The following TRPM1 variants were observed in gnomAD, a reference collection of about 807,000 sequenced individuals.
TRPM1 encodes TRPM1-203 APA Isoform, Intron 10.
A neutral mutation model predicts 149.4 loss-of-function variants in TRPM1; 113 were observed. The observed-to-expected ratio is 0.76, with a 90% CI of 0.65 to 0.88. The LOEUF (loss-of-function observed/expected upper bound fraction) is 0.88. TRPM1 is among the 40% of genes least tolerant of loss of function. TRPM1 has a pLI of 0.00. For synonymous variants in TRPM1, 741 were observed against 759.5 expected, an observed-to-expected ratio of 0.98 and a Z score of 0.40; for missense variants, 1,976 against 2,038.7, an observed-to-expected ratio of 0.97 and a Z score of 0.59.
At chr15:31,104,750 C>T (rs576132862), upstream of TRPM1, among the ~76,000 whole-genome samples, 23 of 151,946 alleles carry the variant, frequency 1.5e-4, no homozygotes, top group South Asian at 3.5e-3. Context: ...CCTGCCACCA[C>T]GCCCGGCCAA....
At chr15:31,140,327 C>T (rs1046075682) in intron 1 of TRPM1, among the ~76,000 whole-genome samples, 3 of 151,534 alleles carry the variant, frequency 2.0e-5, no homozygotes, top group African/African-American at 2.4e-5. Flanking sequence ...TGCAGTGAGC[C>T]GAGATCGTGC....
At chr15:31,070,433 T>C in intron 3 of TRPM1, 1 of 706,816 alleles carries the variant, frequency 1.4e-6, no homozygotes, top group Non-Finnish European at 2.6e-6. Flanking sequence ...TGCCAGTCGA[T>C]TTTAGACACA....
rs368802404 is a variant in TRPM1 at position 31,020,652 on chromosome 15, G to A, written c.3629+5487C>T. Among the ~76,000 whole-genome samples the A allele has an allele frequency of 9.2e-5, 14 of 152,364 alleles. No homozygotes were observed. The East Asian group carries it at 1.2e-3, about 13-fold the overall frequency. ...TGGCTTTAAGTCAGTGATGTTGATT[G>A]TTGGAGAGGTACACTTTGCCCATGC... is the stretch of plus-strand genomic sequence containing the variant. On this transcript the variant is annotated intron_variant, in intron 27 of 27. Coordinates refer to ENST00000256552, the MANE Select transcript of TRPM1 (RefSeq NM_001252024.2).
chr15:31,152,434 G>A (rs2036316424), intron 1 of TRPM1, among the ~76,000 whole-genome samples: 1 of 152,186 alleles, frequency 6.6e-6, no homozygotes, highest in Non-Finnish European at 1.5e-5. Flanking sequence ...CTTGGACAAA[G>A]TGGACCCCTG....
chr15:31,051,013 T>C (rs1226733101), intron 11 of TRPM1, among the ~76,000 whole-genome samples: 3 of 152,160 alleles, frequency 2.0e-5, no homozygotes, highest in African/African-American at 7.2e-5. Context: ...AAAAAGTGAT[T>C]GTGAAGGGGG....
At chr15:31,132,211 G>A (rs984482057) in intron 1 of TRPM1, among the ~76,000 whole-genome samples, 2 of 152,144 alleles carry the variant, frequency 1.3e-5, no homozygotes, top group East Asian at 3.9e-4. Context: ...TGCCTCCCCT[G>A]GCCCCTCTGT....
chr15:31,054,989 T>G (rs773025463), intron 11 of TRPM1, among the ~76,000 whole-genome samples: 1 of 152,232 alleles, frequency 6.6e-6, no homozygotes, highest in Non-Finnish European at 1.5e-5. Flanking sequence ...CTTTTATTTT[T>G]TGCATTCAAT....
chr15:31,049,265 C>A (rs2033868578), intron 13 of TRPM1, 110 bp downstream of exon 13: 1 of 1,523,160 alleles, frequency 6.6e-7, no homozygotes, highest in Non-Finnish European at 9.0e-7. Flanking sequence ...TAAGTACGGA[C>A]CTCCCAGCTG....
chr15:31,049,325 A>G (rs767044590), intron 13 of TRPM1, 50 bp downstream of exon 13: 10 of 1,613,632 alleles, frequency 6.2e-6, no homozygotes, highest in Non-Finnish European at 8.5e-6. Context: ...AGTGACAAAC[A>G]CATTTAGGTG....
rs772558098 is a variant in TRPM1 at position 31,042,229 on chromosome 15, T to C, written c.1809A>G (p.Pro603=). The change falls in exon 17 of 28, where the codon CCA becomes CCG. Residue 603 remains proline (P), a synonymous_variant. Transcript: ENST00000256552. ...TCTTTTTCTTTTTCTTCCCTTTAGC[T>C]GGAGGCTCATCATCCTGAGGGGAGA... ...KLLGMEDDEP[P]AKGKKKKKKK... The C allele has an allele frequency of 6.3e-7, 1 of 1,581,024 alleles. No individual in the cohort carries two copies. Among genetic ancestry groups the C allele is most frequent in the East Asian group, 2.3e-5 (1 of 42,810 alleles).
intron 1 of TRPM1, among the ~76,000 whole-genome samples, chr15:31,118,719 A>T (rs2035835974): frequency 6.6e-6 from 1 of 152,140 alleles, no homozygotes. Flanking sequence ...GAGAAGACTG[A>T]TTGCCAGCTT....
intron 27 of TRPM1, among the ~76,000 whole-genome samples, chr15:31,025,140 A>G (rs1410313365): frequency 6.6e-6 from 1 of 152,152 alleles, no homozygotes; most frequent in Non-Finnish European, 1.5e-5. Context: ...TATGGCTCTC[A>G]ATGTGTCTGT....
chr15:31,038,748 A>T (rs938769434), intron 18 of TRPM1, among the ~76,000 whole-genome samples: 1 of 152,086 alleles, frequency 6.6e-6, no homozygotes, highest in African/African-American at 2.4e-5. Context: ...AAAAGTCCTT[A>T]CATGAAATTT....
chr15:31,062,748 T>C (rs2034267944), intron 8 of TRPM1, 46 bp from the exon 9 acceptor site: 2 of 1,599,332 alleles, frequency 1.3e-6, no homozygotes, highest in East Asian at 2.2e-5. Flanking sequence ...AAGTTAAATC[T>C]ATATATGAAT....
At chr15:31,086,854 T>G (rs1386013732) in intron 1 of TRPM1, among the ~76,000 whole-genome samples, 2 of 152,172 alleles carry the variant, frequency 1.3e-5, no homozygotes, top group Non-Finnish European at 2.9e-5. Flanking sequence ...TAAAATATAT[T>G]AATATTTACA....
intron 1 of TRPM1, among the ~76,000 whole-genome samples, chr15:31,145,207 C>T (rs542112207): frequency 4.6e-5 from 7 of 152,140 alleles, no homozygotes; most frequent in Non-Finnish European, 7.3e-5. Context: ...GATGTGTGAG[C>T]CACACAGAGT....
intron 11 of TRPM1, among the ~76,000 whole-genome samples, chr15:31,054,575 G>T (rs1195702534): frequency 6.6e-6 from 1 of 152,164 alleles, no homozygotes; most frequent in Non-Finnish European, 1.5e-5. Flanking sequence ...AATTACAGGA[G>T]TGAGCCACTG....
At position 31,095,047 on chromosome 15, in the gene TRPM1, C is replaced by T. The variant is rs555920126; in HGVS notation, c.-84+6610G>A. ...AATATTATTTAGCCACATAAATGAA[C>T]GAAGTTCTGAAGCATGCCACATGGG... On this transcript the variant is annotated intron_variant, in intron 1 of 27. Transcript: ENST00000256552. 1.2e-4 allele frequency among the ~76,000 whole-genome samples: 18 copies of T among 152,320 alleles called. 1 individual carries two copies. The highest frequency in any genetic ancestry group is 3.6e-4 in the African/African-American group (15 of 41,582).
intron 1 of TRPM1, among the ~76,000 whole-genome samples, chr15:31,113,823 G>T (rs950439323): frequency 6.6e-6 from 1 of 152,152 alleles, no homozygotes; most frequent in African/African-American, 2.4e-5. Flanking sequence ...AAGATTTATT[G>T]TGAAGATGTG....
Sources: gnomAD v4.1 joint callset for allele counts (sites outside exome capture counted in the v4.1 genomes callset) on GRCh38, gnomAD v4.1.1 for gene constraint, MANE v1.5 for transcripts, NCBI Gene and HGNC (gene_info 2026-07-23, HGNC 2026-07-21) for gene names.